NBAS: variants seen among roughly 807,000 people sequenced by gnomAD.
NBAS encodes the protein NBAS subunit of NRZ tethering complex, also known as NAG/BC035112 fusion.
A neutral mutation model predicts 302.5 loss-of-function variants in NBAS; 219 were observed. The ratio of observed to expected loss-of-function variants is 0.72; its 90% CI spans 0.65 to 0.81. NBAS has a LOEUF of 0.81. Among genes scored for constraint, NBAS ranks in the 30% least tolerant of loss-of-function variants. The pLI is 0.00. For missense variants in NBAS, 2,932 were observed against 2,841.6 expected (o/e 1.03, Z -0.72); for synonymous variants, 1,118 against 1,021.6 (o/e 1.09, Z -1.80).
At chr2:15,332,987 G>T (rs962588991) in intron 35 of NBAS, among the ~76,000 whole-genome samples, 1 of 152,200 alleles carries the variant, frequency 6.6e-6, no homozygotes, top group East Asian at 1.9e-4. Context: ...TAAGACACAG[G>T]CTCTGCCCTC....
At chr2:14,797,673 C>A in the NBAS span, among the ~76,000 whole-genome samples, 56 of 152,118 alleles carry the variant, frequency 3.7e-4, no homozygotes, top group Non-Finnish European at 6.5e-4. Context: ...TCTTTGCTCA[C>A]ACACCCCTTC....
At chr2:14,828,794 A>G in the NBAS span, among the ~76,000 whole-genome samples, 42 of 152,308 alleles carry the variant, frequency 2.8e-4, no homozygotes, top group Admixed American at 7.2e-4. Flanking sequence ...GATGGATTAG[A>G]AGTGAAAAGA....
At chr2:14,920,677 C>T in the NBAS span, among the ~76,000 whole-genome samples, 1 of 152,148 alleles carries the variant, frequency 6.6e-6, no homozygotes, top group South Asian at 2.1e-4. Flanking sequence ...TCATCTTGCA[C>T]TTTTATGTTA....
At chr2:15,512,584 C>A (rs1040954673) in intron 9 of NBAS, among the ~76,000 whole-genome samples, 2 of 152,070 alleles carry the variant, frequency 1.3e-5, no homozygotes, top group African/African-American at 4.8e-5. Flanking sequence ...GAAGTAATCA[C>A]AAGGATCCTT....
At chr2:14,791,070 G>C in the NBAS span, among the ~76,000 whole-genome samples, 100 of 152,214 alleles carry the variant, frequency 6.6e-4, no homozygotes, top group Non-Finnish European at 1.1e-3. Flanking sequence ...GGTCAGGCTG[G>C]TCTCAAACTC....
chr2:14,925,307 T>C, the NBAS span, among the ~76,000 whole-genome samples: 324 of 152,332 alleles, frequency 2.1e-3, 2 homozygotes, highest in Non-Finnish European at 1.0e-3. Flanking sequence ...GACATTGCCT[T>C]AGCTCTTTTT....
chr2:15,091,358 A>G, the NBAS span, among the ~76,000 whole-genome samples: 3 of 152,106 alleles, frequency 2.0e-5, no homozygotes, highest in Admixed American at 6.5e-5. Flanking sequence ...CTGAGACAGT[A>G]ACCCCTCCTC....
the NBAS span, among the ~76,000 whole-genome samples, chr2:15,054,638 G>T: frequency 6.6e-6 from 1 of 152,178 alleles, no homozygotes. Flanking sequence ...TTCACCATCA[G>T]CATCTCTGTA....
chr2:14,942,812 T>G, the NBAS span, among the ~76,000 whole-genome samples: 2 of 152,196 alleles, frequency 1.3e-5, no homozygotes, highest in African/African-American at 4.8e-5. Context: ...CAGCTGAGTC[T>G]CAATCTGTAG....
the NBAS span, among the ~76,000 whole-genome samples, chr2:14,842,581 A>C: frequency 8.6e-5 from 13 of 152,006 alleles, 1 homozygote; most frequent in East Asian, 2.5e-3. Context: ...TAAATGGAAA[A>C]AATTACTGGA....
intron 5 of NBAS, 29 bp from the exon 6 acceptor site, chr2:15,551,565 G>C: frequency 1.3e-6 from 2 of 1,577,358 alleles, no homozygotes; most frequent in Non-Finnish European, 1.7e-6. Context: ...CAAGGCAAAA[G>C]TTTTATCGTA....
In NBAS at chr2:15,467,811, G is replaced by T; in HGVS notation, c.1878-7C>A. The stretch of plus-strand genomic sequence containing the variant: ...TTCACCAGGTAATGTAAATCTGCAA[G>T]TATAAAAGAACAAATATATTTTCAT... On this transcript the variant is annotated splice_region_variant and splice_polypyrimidine_tract_variant and intron_variant, in intron 17 of 51. Transcript: ENST00000281513. The T allele has an allele frequency of 6.4e-7, 1 of 1,574,158 alleles. No homozygotes were observed. The highest frequency in any genetic ancestry group is 2.2e-5 in the East Asian group (1 of 44,536).
At chr2:14,952,057 C>T in the NBAS span, among the ~76,000 whole-genome samples, 1 of 152,162 alleles carries the variant, frequency 6.6e-6, no homozygotes, top group Non-Finnish European at 1.5e-5. Flanking sequence ...GAGCCACTTC[C>T]TTCTGCACTC....
At chr2:15,133,278 G>A in the NBAS span, among the ~76,000 whole-genome samples, 1 of 151,410 alleles carries the variant, frequency 6.6e-6, no homozygotes, top group Non-Finnish European at 1.5e-5. Flanking sequence ...TACACATGAG[G>A]TTTTCAAGAA....
chr2:15,057,501 A>G, the NBAS span, among the ~76,000 whole-genome samples: 1 of 151,666 alleles, frequency 6.6e-6, no homozygotes. Context: ...TTTAGTGGAG[A>G]TTTGTGAGAT....
chr2:15,035,869 G>A, the NBAS span, among the ~76,000 whole-genome samples: 1 of 152,072 alleles, frequency 6.6e-6, no homozygotes, highest in South Asian at 2.1e-4. Context: ...GTAGGGGGTG[G>A]GAGAACATCA....
intron 44 of NBAS, among the ~76,000 whole-genome samples, chr2:15,240,827 TATTA>T: frequency 6.6e-6 from 1 of 152,250 alleles, no homozygotes; most frequent in South Asian, 2.1e-4. Flanking sequence ...GACTGACAAG[TATTA>T]ATTATGTTAC....
chr2:15,303,369 G>A (rs1029983640), intron 40 of NBAS, among the ~76,000 whole-genome samples: 1 of 152,176 alleles, frequency 6.6e-6, no homozygotes, highest in Non-Finnish European at 1.5e-5. Context: ...GTCCTTTAGA[G>A]TAGGTACTCT....
the NBAS span, among the ~76,000 whole-genome samples, chr2:14,888,930 C>T: frequency 6.6e-6 from 1 of 152,164 alleles, no homozygotes; most frequent in Admixed American, 6.5e-5. Flanking sequence ...GCCAGCAGAA[C>T]CTTGCACTTT....
Sources: allele counts gnomAD v4.1 joint callset (sites outside exome capture counted in the v4.1 genomes callset), GRCh38; gene constraint gnomAD v4.1.1; transcripts MANE v1.5; gene names NCBI Gene and HGNC (gene_info 2026-07-23, HGNC 2026-07-21).